The following NBAS variants were observed in gnomAD, a reference collection of about 807,000 sequenced individuals.
NBAS encodes NAG/BC035112 fusion.
NBAS carries 219 observed loss-of-function variants against 302.5 expected under a neutral mutation model. That is an observed-to-expected ratio of 0.72 (90% CI 0.65 to 0.81). NBAS has a LOEUF of 0.81. NBAS is among the 30% of genes least tolerant of loss of function. The probability of loss-of-function intolerance (pLI) is 0.00; values close to 1 mark genes in which losing one functional copy is unlikely to be tolerated. For synonymous variants in NBAS, 1,118 were observed against 1,021.6 expected (o/e 1.09, Z -1.80); for missense variants, 2,932 against 2,841.6 (o/e 1.03, Z -0.72).
chr2:14,921,300 T>C, the NBAS span, among the ~76,000 whole-genome samples: 1 of 152,050 alleles, frequency 6.6e-6, no homozygotes, highest in Non-Finnish European at 1.5e-5. Context: ...CCAAAACAAT[T>C]ATAATAGTAA....
At chr2:15,322,401 ATAAAT>A (rs1671852365) in intron 38 of NBAS, among the ~76,000 whole-genome samples, 1 of 151,986 alleles carries the variant, frequency 6.6e-6, no homozygotes, top group Admixed American at 6.6e-5. Context: ...AAATAAATAA[ATAAAT>A]AAATAAAATT....
chr2:15,143,582 G>C, the NBAS span, among the ~76,000 whole-genome samples: 10 of 152,212 alleles, frequency 6.6e-5, no homozygotes, highest in South Asian at 1.7e-3. Flanking sequence ...AACAGAGCAC[G>C]TGTGTCCCTC....
chr2:15,064,169 T>C, the NBAS span, among the ~76,000 whole-genome samples: 4 of 151,662 alleles, frequency 2.6e-5, no homozygotes, highest in African/African-American at 7.3e-5. Flanking sequence ...AGGAAGAAGA[T>C]AATAAAGATT....
At position 15,204,561 on chromosome 2, in the gene NBAS, G is replaced by C. The variant is rs919121892; in HGVS notation, c.6433-14158C>G. ...TGCTGCTATAAAGACACATGCACAC[G>C]TATGTTTTTGCGGCACTATTCACAA... is the stretch of plus-strand genomic sequence containing the variant. On this transcript the variant is annotated intron_variant, in intron 48 of 51. Coordinates refer to ENST00000281513, the MANE Select transcript of NBAS (RefSeq NM_015909.4). Among the ~76,000 whole-genome samples, 7 of 152,106 alleles carry C rather than the reference G, an allele frequency of 4.6e-5. No homozygotes were observed. In the South Asian group the frequency reaches 1.2e-3, roughly 27 times the overall value.
At chr2:15,554,165 T>C (rs760096736) in intron 3 of NBAS, 27 bp from the exon 4 acceptor site, 1 of 1,582,264 alleles carries the variant, frequency 6.3e-7, no homozygotes, top group Non-Finnish European at 8.7e-7. Flanking sequence ...TTAGTTAGCT[T>C]AAAATCTAAT....
the NBAS span, among the ~76,000 whole-genome samples, chr2:15,161,503 C>T: frequency 6.6e-6 from 1 of 152,154 alleles, no homozygotes; most frequent in African/African-American, 2.4e-5. Context: ...ATGGAGAACG[C>T]TAAGTAACCA....
At chr2:14,923,601 T>C in the NBAS span, among the ~76,000 whole-genome samples, 2 of 151,862 alleles carry the variant, frequency 1.3e-5, no homozygotes. Flanking sequence ...AAGGTAGGGG[T>C]GTATCCATTA....
chr2:15,229,199 G>A (rs562917924), intron 47 of NBAS, among the ~76,000 whole-genome samples: 3 of 151,238 alleles, frequency 2.0e-5, no homozygotes, highest in Non-Finnish European at 2.9e-5. Context: ...AAAATTATCC[G>A]GGCATGGTAG....
rs145050657 is a variant in NBAS at position 15,314,325 on chromosome 2, C to T, written c.4583-5078G>A. On this transcript the variant is annotated intron_variant, in intron 38 of 51. Coordinates refer to ENST00000281513, the MANE Select transcript of NBAS (RefSeq NM_015909.4). ...GCGCCAAGACAAGATCACACCGCTG[C>T]ACTCCAGCCTGGGCAACAGAGAGAG... is the stretch of plus-strand genomic sequence containing the variant. Among the ~76,000 whole-genome samples the T allele has an allele frequency of 3.2e-3, 494 of 152,300 alleles. 1 individual carries two copies. Among genetic ancestry groups the T allele is most frequent in the Non-Finnish European group, 5.7e-3 (386 of 68,022 alleles).
intron 23 of NBAS, among the ~76,000 whole-genome samples, chr2:15,421,284 T>A (rs541622781): frequency 1.3e-5 from 2 of 152,192 alleles, no homozygotes; most frequent in African/African-American, 2.4e-5. Flanking sequence ...AATTTTGTGA[T>A]CCAAACTAGT....
intron 44 of NBAS, among the ~76,000 whole-genome samples, chr2:15,261,354 CA>C (rs1156910314): frequency 6.6e-6 from 1 of 152,114 alleles, no homozygotes; most frequent in Admixed American, 6.5e-5. Flanking sequence ...AAATATTACG[CA>C]AATGAAAGTG....
At chr2:15,457,660 C>T (rs553338953) in intron 21 of NBAS, among the ~76,000 whole-genome samples, 7 of 152,296 alleles carry the variant, frequency 4.6e-5, no homozygotes, top group South Asian at 4.1e-4. Context: ...GTTCCATGCA[C>T]GTTCGAGGTG....
intron 16 of NBAS, among the ~76,000 whole-genome samples, chr2:15,472,718 G>A (rs1457557108): frequency 6.6e-6 from 1 of 152,110 alleles, no homozygotes; most frequent in African/African-American, 2.4e-5. Context: ...AACCACTCCT[G>A]GTCCAATGGG....
chr2:15,084,567 T>C, the NBAS span, among the ~76,000 whole-genome samples: 2 of 152,186 alleles, frequency 1.3e-5, no homozygotes. Context: ...ACTTCAACTG[T>C]GGCTCCATAA....
At chr2:14,963,277 T>A in the NBAS span, among the ~76,000 whole-genome samples, 3 of 151,810 alleles carry the variant, frequency 2.0e-5, no homozygotes, top group Non-Finnish European at 2.9e-5. Context: ...CAAAAATAAA[T>A]AAATAAATAA....
the NBAS span, among the ~76,000 whole-genome samples, chr2:14,797,592 G>A: frequency 2.0e-5 from 3 of 152,132 alleles, no homozygotes; most frequent in African/African-American, 4.8e-5. Flanking sequence ...CTGGAAGCTG[G>A]AGCCTGTCAT....
At chr2:14,869,152 G>A in the NBAS span, among the ~76,000 whole-genome samples, 1 of 152,264 alleles carries the variant, frequency 6.6e-6, no homozygotes, top group Admixed American at 6.5e-5. Flanking sequence ...TATTGTTATT[G>A]CCTCCCAAGA....
At chr2:15,470,867 G>A (rs1341930438) in intron 16 of NBAS, among the ~76,000 whole-genome samples, 11 of 151,966 alleles carry the variant, frequency 7.2e-5, no homozygotes, top group South Asian at 4.2e-4. Flanking sequence ...AGGCTGAGGC[G>A]GGAGAATCAC....
At chr2:15,062,190 C>T in the NBAS span, among the ~76,000 whole-genome samples, 1 of 152,190 alleles carries the variant, frequency 6.6e-6, no homozygotes, top group Non-Finnish European at 1.5e-5. Flanking sequence ...TTCTGGTACC[C>T]TGTAGCATTT....
Sources: gnomAD v4.1 joint callset for allele counts (sites outside exome capture counted in the v4.1 genomes callset) on GRCh38, gnomAD v4.1.1 for gene constraint, MANE v1.5 for transcripts, NCBI Gene and HGNC (gene_info 2026-07-23, HGNC 2026-07-21) for gene names.